Variants in ACTN1 observed in about 807,000 individuals in gnomAD.
ACTN1 encodes actinin alpha 1, also known as alpha-actinin-1.
A neutral mutation model predicts 119.6 loss-of-function variants in ACTN1; 30 were observed. The ratio of observed to expected loss-of-function variants is 0.25; its 90% CI spans 0.19 to 0.34. The LOEUF (loss-of-function observed/expected upper bound fraction) is 0.34. Among genes scored for constraint, ACTN1 ranks in the 10% least tolerant of loss-of-function variants. The pLI, the probability that ACTN1 is intolerant of heterozygous loss-of-function variation, is 1.00. For synonymous variants in ACTN1, 429 were observed against 472.6 expected, an observed-to-expected ratio of 0.91 and a Z score of 1.20; for missense variants, 764 against 1,223.4, an observed-to-expected ratio of 0.62 and a Z score of 5.60.
At chr14:68,953,085 A>C (rs183279297) in intron 1 of ACTN1, among the ~76,000 whole-genome samples, 2 of 152,142 alleles carry the variant, frequency 1.3e-5, no homozygotes, top group African/African-American at 4.8e-5. Flanking sequence ...TCCCCAGGGG[A>C]CTCTGGAGAT....
chr14:68,926,901 T>G (rs2034954615), intron 1 of ACTN1, among the ~76,000 whole-genome samples: 1 of 152,070 alleles, frequency 6.6e-6, no homozygotes, highest in Admixed American at 6.6e-5. Flanking sequence ...GAAGAGCCTA[T>G]GAACAAGAAA....
chr14:68,903,759 C>A (rs2033494969), intron 7 of ACTN1, among the ~76,000 whole-genome samples: 2 of 152,150 alleles, frequency 1.3e-5, no homozygotes, highest in South Asian at 4.1e-4. Flanking sequence ...GAGCTGCCAG[C>A]CCTGGCTTCA....
At chr14:68,875,266 A>C in intron 21 of ACTN1, 1 of 1,000,922 alleles carries the variant, frequency 1.0e-6, no homozygotes. Context: ...TTTCCAATCT[A>C]ATTCCATGTG....
chr14:68,893,056 C>T (rs2032618148), intron 9 of ACTN1, among the ~76,000 whole-genome samples: 1 of 152,142 alleles, frequency 6.6e-6, no homozygotes, highest in African/African-American at 2.4e-5. Flanking sequence ...CACTTGGGCT[C>T]CAGAACCTGC....
chr14:68,933,170 G>A (rs1344584663), intron 1 of ACTN1, among the ~76,000 whole-genome samples: 1 of 152,048 alleles, frequency 6.6e-6, no homozygotes, highest in Non-Finnish European at 1.5e-5. Context: ...ATCTCGCTCT[G>A]TCGCCCTGGC....
At chr14:68,890,013 C>G in intron 11 of ACTN1, 126 bp downstream of exon 11, 2 of 1,414,556 alleles carry the variant, frequency 1.4e-6, no homozygotes, top group Non-Finnish European at 1.9e-6. Context: ...TTGCCTAAAG[C>G]CATGGAACTA....
chr14:68,891,943 G>A (rs1193950452), intron 10 of ACTN1, 110 bp downstream of exon 10: 2 of 1,345,292 alleles, frequency 1.5e-6, no homozygotes, highest in Non-Finnish European at 2.0e-6. Context: ...GTAGGTAGAA[G>A]CAAACACGCC....
Position 68,874,526 on chromosome 14 carries a change from C to G in ACTN1, c.*333G>C, listed in dbSNP as rs11557771. On this transcript the variant is annotated 3_prime_UTR_variant, in exon 22 of 22. Coordinates refer to ENST00000394419, the MANE Select transcript of ACTN1 (RefSeq NM_001130004.2). ...AAAAAGGATGGAATATAACTTTGTG[C>G]TTGGTTATTTTCCTATGTCGCAACA... 1 of 202,396 alleles carries G rather than the reference C, an allele frequency of 4.9e-6. No homozygotes were observed. Among genetic ancestry groups the G allele is most frequent in the Middle Eastern group, 1.8e-3 (1 of 566 alleles). The allele number at this position is 202,396 out of a possible 1,614,324, so 12.5% of individuals were successfully genotyped here.
At chr14:68,937,526 G>A (rs2140472648) in intron 1 of ACTN1, among the ~76,000 whole-genome samples, 1 of 152,266 alleles carries the variant, frequency 6.6e-6, no homozygotes, top group South Asian at 2.1e-4. Flanking sequence ...AAATCTTAAA[G>A]AAAGTCATAA....
chr14:68,899,374 CCATACACCT>C (rs960476292), intron 8 of ACTN1, among the ~76,000 whole-genome samples: 1 of 124,354 alleles, frequency 8.0e-6, no homozygotes, highest in Non-Finnish European at 1.7e-5. Flanking sequence ...TCCCCACACC[CCATACACCT>C]CATACACACA....
chr14:68,978,918 C>CTGGGGGCTGGGGGA (rs1344582063), intron 1 of ACTN1, 34 bp downstream of exon 1: 2 of 1,433,882 alleles, frequency 1.4e-6, no homozygotes, highest in Non-Finnish European at 9.5e-7. Context: ...GGGCTGGGGG[C>CTGGGGGCTGGGGGA]TGGGGGCTGC....
At chr14:68,910,791 G>A (rs1205810517) in intron 4 of ACTN1, among the ~76,000 whole-genome samples, 5 of 152,168 alleles carry the variant, frequency 3.3e-5, no homozygotes, top group African/African-American at 4.8e-5. Flanking sequence ...TACTGTTCTC[G>A]TGGTAGTGAA....
At chr14:68,900,350 C>A (rs2033229436) in intron 8 of ACTN1, among the ~76,000 whole-genome samples, 1 of 152,016 alleles carries the variant, frequency 6.6e-6, no homozygotes, top group African/African-American at 2.4e-5. Context: ...AGTCTGCAAC[C>A]TGCACAACTG....
chr14:68,884,995 GCGCTCCCTTCAAGAGACCTTCCAGGCA>G (rs2031872811), intron 12 of ACTN1, 112 bp from the exon 13 acceptor site: 1 of 869,058 alleles, frequency 1.2e-6, no homozygotes, highest in South Asian at 1.5e-5. Flanking sequence ...AGAGCCAGGG[GCGCTCCCTTCAAGAGACCTTCCAGGCA>G]CTCCTTCCAC....
At chr14:68,921,596 G>C (rs2034657366) in intron 2 of ACTN1, among the ~76,000 whole-genome samples, 1 of 152,138 alleles carries the variant, frequency 6.6e-6, no homozygotes, top group African/African-American at 2.4e-5. Context: ...ACTGAGGAGT[G>C]GTCAGGAAAG....
chr14:68,885,319 A>T lies in ACTN1; in HGVS notation c.1385+106T>A. The T allele has an allele frequency of 4.3e-5, 52 of 1,223,506 alleles. No individual in the cohort carries two copies. The highest frequency in any genetic ancestry group is 4.8e-5 in the Non-Finnish European group (43 of 900,168). The allele number at this position is 1,223,506 out of a possible 1,614,324, so 75.8% of individuals were successfully genotyped here. ...CCTCCCCACCTGGGCACCCACCTGT[A>T]CCCACCCTCCCCATCTTCCACGGCC... On this transcript the variant is annotated intron_variant, in intron 12 of 21. Coordinates refer to ENST00000394419, the MANE Select transcript of ACTN1 (RefSeq NM_001130004.2). The surrounding 1 kb of genome is among the most constrained non-coding windows in gnomAD (Gnocchi z 5.6).
chr14:68,909,483 C>G lies in ACTN1; in HGVS notation c.516-87G>C. 8.3e-7 allele frequency: 1 copy of G among 1,207,424 alleles called. No homozygotes were observed. The highest frequency in any genetic ancestry group is 1.2e-6 in the Non-Finnish European group (1 of 827,814). 74.8% of individuals were successfully genotyped at this position (1,207,424 alleles called of 1,614,324 possible). On this transcript the variant is annotated intron_variant, in intron 5 of 21. Transcript: ENST00000394419. This position sits in a 1 kb window ranked among gnomAD's most constrained non-coding sequence, Gnocchi z 4.1. ...GGGCAAAGCAGGGGCCTCCTAGACA[C>G]CAGAGAGATGAACACATAGAGCTTT...
At position 68,885,664 on chromosome 14, in the gene ACTN1, C is replaced by T; in HGVS notation, c.1235-89G>A. 1 of 1,446,240 alleles carries T rather than the reference C, an allele frequency of 6.9e-7. No homozygotes were observed. The highest frequency in any genetic ancestry group is 1.9e-4 in the Middle Eastern group (1 of 5,188). The allele number at this position is 1,446,240 out of a possible 1,614,324, so 89.6% of individuals were successfully genotyped here. On this transcript the variant is annotated intron_variant, in intron 11 of 21. Coordinates refer to ENST00000394419, the MANE Select transcript of ACTN1 (RefSeq NM_001130004.2). This position sits in a 1 kb window ranked among gnomAD's most constrained non-coding sequence, Gnocchi z 5.6. Reference sequence around the variant, plus strand: ...CCACCCCTCAGGGCCCCAGGAGCTCCACTTCTGGGGGTGCTTCTCAAGGAG... The same window carrying T: ...CCACCCCTCAGGGCCCCAGGAGCTCTACTTCTGGGGGTGCTTCTCAAGGAG...
Position 68,882,689 on chromosome 14 carries a change from CA to C in ACTN1, c.1819-98del, listed in dbSNP as rs1210913584. 1.9e-6 allele frequency: 3 copies of C among 1,566,628 alleles called. No individual in the cohort carries two copies. The African/African-American group carries it at 4.0e-5, about 21-fold the overall frequency. On this transcript the variant is annotated intron_variant, in intron 15 of 21. Coordinates refer to ENST00000394419, the MANE Select transcript of ACTN1 (RefSeq NM_001130004.2). The surrounding 1 kb of genome is among the most constrained non-coding windows in gnomAD (Gnocchi z 4.5). Reference sequence around the variant, plus strand: ...AGGACCCAGAAGGGGAAGGGCCGGTCAGTAACAGAACAGGAGTAAAGGTGTC... The same window carrying C: ...AGGACCCAGAAGGGGAAGGGCCGGTCGTAACAGAACAGGAGTAAAGGTGTC...
Sources: allele counts gnomAD v4.1 joint callset (sites outside exome capture counted in the v4.1 genomes callset), GRCh38; gene constraint gnomAD v4.1.1; non-coding constraint Gnocchi (gnomAD v3.1); transcripts MANE v1.5; gene names NCBI Gene and HGNC (gene_info 2026-07-23, HGNC 2026-07-21).